The following CFAP20DC variants were observed in gnomAD, a reference collection of about 807,000 sequenced individuals.
CFAP20DC encodes the protein protein CFAP20DC.
A neutral mutation model predicts 101.7 loss-of-function variants in CFAP20DC; 84 were observed. The observed-to-expected ratio is 0.83, with a 90% CI of 0.69 to 0.99. CFAP20DC has a LOEUF of 0.99. CFAP20DC is among the 50% of genes least tolerant of loss of function. The probability of loss-of-function intolerance (pLI) is 0.00; values close to 1 mark genes in which losing one functional copy is unlikely to be tolerated. For synonymous variants in CFAP20DC, 359 were observed against 351.2 expected, an observed-to-expected ratio of 1.02 and a Z score of -0.25; for missense variants, 1,007 against 970.3, an observed-to-expected ratio of 1.04 and a Z score of -0.50.
At chr3:58,931,555 G>A (rs942427988) in intron 5 of CFAP20DC, among the ~76,000 whole-genome samples, 2 of 152,140 alleles carry the variant, frequency 1.3e-5, no homozygotes, top group Admixed American at 6.5e-5. Flanking sequence ...TCACACGGGC[G>A]GGTACTCCTC....
chr3:58,843,807 C>T (rs1466969072), intron 13 of CFAP20DC, among the ~76,000 whole-genome samples: 5 of 147,664 alleles, frequency 3.4e-5, no homozygotes, highest in Middle Eastern at 3.6e-3. Flanking sequence ...AGACTAACAG[C>T]GGATCTCTCG....
chr3:59,034,882 A>G (rs2094067822), intron 4 of CFAP20DC, among the ~76,000 whole-genome samples: 1 of 152,202 alleles, frequency 6.6e-6, no homozygotes, highest in South Asian at 2.1e-4. Context: ...CCAAATCAAC[A>G]GAATATACAT....
At chr3:58,942,475 G>A (rs779578000) in intron 4 of CFAP20DC, among the ~76,000 whole-genome samples, 2 of 152,176 alleles carry the variant, frequency 1.3e-5, no homozygotes, top group Admixed American at 6.5e-5. Context: ...CAAGGTGTCA[G>A]GGAACTCCCT....
chr3:58,900,569 A>G (rs2083059944), intron 6 of CFAP20DC, among the ~76,000 whole-genome samples: 1 of 152,250 alleles, frequency 6.6e-6, no homozygotes, highest in African/African-American at 2.4e-5. Flanking sequence ...CCTGATTAAC[A>G]TCTAGATAAG....
chr3:59,029,156 T>A (rs767825263), intron 4 of CFAP20DC, among the ~76,000 whole-genome samples: 2 of 152,304 alleles, frequency 1.3e-5, no homozygotes, highest in East Asian at 3.9e-4. Context: ...CATTCATTAG[T>A]CCACCCATCC....
chr3:58,955,604 G>A (rs537416878), intron 4 of CFAP20DC, among the ~76,000 whole-genome samples: 2 of 152,132 alleles, frequency 1.3e-5, no homozygotes, highest in Non-Finnish European at 2.9e-5. Flanking sequence ...AAAGTGCTCT[G>A]GGGCCCCAAA....
intron 16 of CFAP20DC, among the ~76,000 whole-genome samples, chr3:58,752,719 C>T (rs529376657): frequency 1.3e-5 from 2 of 152,196 alleles, no homozygotes; most frequent in African/African-American, 4.8e-5. Flanking sequence ...TAATAAATCA[C>T]AGAGACATCT....
At chr3:58,807,470 C>A (rs1457522891) in intron 14 of CFAP20DC, among the ~76,000 whole-genome samples, 1 of 152,186 alleles carries the variant, frequency 6.6e-6, no homozygotes, top group Non-Finnish European at 1.5e-5. Flanking sequence ...CTGGAGTGGA[C>A]CTCTAGCAAA....
chr3:58,939,254 ATG>A (rs768625393), intron 4 of CFAP20DC, among the ~76,000 whole-genome samples: 12 of 152,102 alleles, frequency 7.9e-5, no homozygotes, highest in Non-Finnish European at 1.5e-4. Context: ...AGGATCAAAT[ATG>A]TTTGGAAAAT....
chr3:59,003,861 T>G (rs566360255), intron 4 of CFAP20DC, among the ~76,000 whole-genome samples: 2 of 152,316 alleles, frequency 1.3e-5, no homozygotes, highest in South Asian at 4.1e-4. Context: ...TTCACTTTAA[T>G]TTCCACCAAT....
intron 14 of CFAP20DC, among the ~76,000 whole-genome samples, chr3:58,816,361 G>T (rs910565110): frequency 6.6e-6 from 1 of 152,176 alleles, no homozygotes; most frequent in Non-Finnish European, 1.5e-5. Context: ...GGTGACTTCT[G>T]CATTTCCATC....
chr3:59,049,813 T>A lies in CFAP20DC; in HGVS notation c.-182A>T, dbSNP rs776321969. 1.5e-6 allele frequency: 1 copy of A among 668,762 alleles called. No individual in the cohort carries two copies. Among genetic ancestry groups the A allele is most frequent in the Non-Finnish European group, 2.5e-6 (1 of 400,120 alleles). The allele number at this position is 668,762 out of a possible 1,614,324, so 41.4% of individuals were successfully genotyped here. A position where few individuals can be genotyped will look rare whatever the true frequency, so the allele number is the denominator to read the frequency against. ...CCCCTCCGGCCCCTGGTCAGCTCCA[T>A]CTCCCGCCCTCCATCAGCACCATTG... On this transcript the variant is annotated 5_prime_UTR_variant, in exon 1 of 17. An upstream start codon of the reference 5' UTR is lost. Transcript: ENST00000482387.
intron 3 of CFAP20DC, among the ~76,000 whole-genome samples, chr3:59,041,274 T>C (rs1699357697): frequency 6.6e-6 from 1 of 152,130 alleles, no homozygotes; most frequent in Non-Finnish European, 1.5e-5. Context: ...AGGGCATTTT[T>C]ATATGAGCAT....
intron 4 of CFAP20DC, among the ~76,000 whole-genome samples, chr3:58,951,457 C>T (rs964720313): frequency 1.2e-4 from 19 of 152,218 alleles, no homozygotes; most frequent in Admixed American, 2.6e-4. Flanking sequence ...CACATGCACA[C>T]GTATGTTTAT....
rs2073174732 is a variant in CFAP20DC at position 58,795,504 on chromosome 3, G to C, written c.2237+10891C>G. On this transcript the variant is annotated intron_variant, in intron 15 of 16. Transcript: ENST00000482387. The surrounding 1 kb of genome is among the most constrained non-coding windows in gnomAD (Gnocchi z 4.2). ...AAAAATCAGCTTGGCTTGTGCCTGTGGTCTCGGCTACATGGGAAGCTGGAG... is the reference window on the plus strand; with the variant it reads ...AAAAATCAGCTTGGCTTGTGCCTGTCGTCTCGGCTACATGGGAAGCTGGAG... Among the ~76,000 whole-genome samples, 1 of 152,180 alleles carries C rather than the reference G, an allele frequency of 6.6e-6. No homozygotes were observed. The highest frequency in any genetic ancestry group is 2.1e-4 in the South Asian group (1 of 4,822).
chr3:58,854,268 CA>C (rs1384772708), intron 12 of CFAP20DC, among the ~76,000 whole-genome samples: 13 of 151,590 alleles, frequency 8.6e-5, no homozygotes, highest in Admixed American at 2.0e-4. Context: ...CCTAGGAATC[CA>C]ACTTACAAGG....
In CFAP20DC at chr3:58,864,257, A is replaced by G. The variant is rs2079493954; in HGVS notation, c.1259-365T>C. Among the ~76,000 whole-genome samples, 1 of 152,218 alleles carries G rather than the reference A, an allele frequency of 6.6e-6. No individual in the cohort carries two copies. Among genetic ancestry groups the G allele is most frequent in the Non-Finnish European group, 1.5e-5 (1 of 68,032 alleles). Reference sequence around the variant, plus strand: ...CAGGCATGAGCCACCGCGCCTGGCCAAAAGTGTTATTTTAGGCAGGTAGTT... The same window carrying G: ...CAGGCATGAGCCACCGCGCCTGGCCGAAAGTGTTATTTTAGGCAGGTAGTT... On this transcript the variant is annotated intron_variant, in intron 11 of 16. Transcript: ENST00000482387. The surrounding 1 kb of genome is among the most constrained non-coding windows in gnomAD (Gnocchi z 4.7).
intron 14 of CFAP20DC, among the ~76,000 whole-genome samples, chr3:58,806,897 C>A (rs367667683): frequency 2.6e-4 from 40 of 152,290 alleles, no homozygotes; most frequent in African/African-American, 9.1e-4. Flanking sequence ...GCTTAAAAAA[C>A]GGCGCACCAG....
chr3:58,877,111 A>G (rs754763791), intron 7 of CFAP20DC, among the ~76,000 whole-genome samples: 6 of 152,168 alleles, frequency 3.9e-5, no homozygotes, highest in Non-Finnish European at 8.8e-5. Context: ...CCTAGTAAAT[A>G]TGCTATTAAC....
Sources: gnomAD v4.1 joint callset for allele counts (sites outside exome capture counted in the v4.1 genomes callset) on GRCh38, gnomAD v4.1.1 for gene constraint, Gnocchi (gnomAD v3.1) non-coding constraint, MANE v1.5 for transcripts, NCBI Gene and HGNC (gene_info 2026-07-23, HGNC 2026-07-21) for gene names.